DPP10: variants seen among roughly 807,000 people sequenced by gnomAD.
The protein encoded by DPP10 is dipeptidyl peptidase like 10, also known as inactive dipeptidyl peptidase 10.
Under a neutral mutation model 120.9 loss-of-function variants are expected in DPP10, and 33 were observed. The observed-to-expected ratio is 0.27, with a 90% CI of 0.21 to 0.37. DPP10 has a LOEUF of 0.37. Among genes scored for constraint, DPP10 ranks in the 10% least tolerant of loss-of-function variants. The pLI is 1.00. For missense variants in DPP10, 816 were observed against 942.8 expected (o/e 0.87, Z 1.76); for synonymous variants, 337 against 326.1 (o/e 1.03, Z -0.36).
chr2:115,623,466 T>C (rs534838105), intron 5 of DPP10, among the ~76,000 whole-genome samples: 2 of 152,368 alleles, frequency 1.3e-5, no homozygotes, highest in East Asian at 3.9e-4. Context: ...AATTTATTCA[T>C]ATTTATTTAA....
intron 1 of DPP10, among the ~76,000 whole-genome samples, chr2:114,872,218 A>G (rs1376674153): frequency 6.6e-6 from 1 of 152,126 alleles, no homozygotes; most frequent in Non-Finnish European, 1.5e-5. Flanking sequence ...GAAACTTACA[A>G]TCATGGTGGA....
intron 1 of DPP10, among the ~76,000 whole-genome samples, chr2:115,006,004 C>A (rs1266765936): frequency 6.6e-6 from 1 of 152,090 alleles, no homozygotes; most frequent in Non-Finnish European, 1.5e-5. Context: ...GCCCATCAGA[C>A]TAACAGTGGA....
chr2:114,918,456 A>G (rs919477934), intron 1 of DPP10, among the ~76,000 whole-genome samples: 3 of 152,188 alleles, frequency 2.0e-5, no homozygotes, highest in Non-Finnish European at 2.9e-5. Context: ...TACTTACCCA[A>G]AGGAATGTAC....
intron 5 of DPP10, among the ~76,000 whole-genome samples, chr2:115,598,129 CTG>C (rs2083097724): frequency 6.6e-6 from 1 of 151,986 alleles, no homozygotes. Context: ...CTCAATTTCT[CTG>C]TGTCTTTGTA....
rs564773702 is a variant in DPP10 at position 115,819,016 on chromosome 2, G to A, written c.1950+3287G>A. Among the ~76,000 whole-genome samples the A allele has an allele frequency of 2.1e-3, 313 of 152,230 alleles. 1 individual carries two copies. Among genetic ancestry groups the A allele is most frequent in the African/African-American group, 7.1e-3 (296 of 41,544 alleles). On this transcript the variant is annotated intron_variant, in intron 21 of 25. Coordinates refer to ENST00000410059, the MANE Select transcript of DPP10 (RefSeq NM_020868.6). ...AATACACTGTTTATCCTAAGATTCCGTAGACCTTGCGATTCTTTTTTCTTG... is the reference window on the plus strand; with the variant it reads ...AATACACTGTTTATCCTAAGATTCCATAGACCTTGCGATTCTTTTTTCTTG...
At chr2:115,709,067 A>C (rs4849420) in intron 7 of DPP10, among the ~76,000 whole-genome samples, 1 of 152,042 alleles carries the variant, frequency 6.6e-6, no homozygotes, top group African/African-American at 2.4e-5. Flanking sequence ...CCAAGGACTC[A>C]AGCCTGAACA....
At chr2:115,198,123 A>C (rs2055421991) in intron 1 of DPP10, among the ~76,000 whole-genome samples, 1 of 152,170 alleles carries the variant, frequency 6.6e-6, no homozygotes, top group South Asian at 2.1e-4. Context: ...GCTTTCTTGG[A>C]AATGATTCAT....
intron 1 of DPP10, among the ~76,000 whole-genome samples, chr2:114,672,891 A>T (rs1698436156): frequency 6.6e-6 from 1 of 152,110 alleles, no homozygotes; most frequent in Non-Finnish European, 1.5e-5. Context: ...TCTTGATTAC[A>T]TTTAATTCTG....
At chr2:115,291,025 G>A (rs781660138) in intron 1 of DPP10, among the ~76,000 whole-genome samples, 1 of 152,088 alleles carries the variant, frequency 6.6e-6, no homozygotes, top group Non-Finnish European at 1.5e-5. Context: ...TTTTTCTGAG[G>A]CAGGGTCTCG....
At chr2:115,093,353 G>T (rs1709440776) in intron 1 of DPP10, among the ~76,000 whole-genome samples, 1 of 152,000 alleles carries the variant, frequency 6.6e-6, no homozygotes, top group African/African-American at 2.4e-5. Context: ...AATATACTTA[G>T]TGAGACCAAT....
intron 7 of DPP10, among the ~76,000 whole-genome samples, chr2:115,696,891 C>A (rs558714856): frequency 6.6e-6 from 1 of 152,022 alleles, no homozygotes; most frequent in African/African-American, 2.4e-5. Flanking sequence ...TTAGTTAATA[C>A]CTTTGGATGT....
chr2:115,358,032 A>T (rs1467859772), intron 3 of DPP10, among the ~76,000 whole-genome samples: 2 of 152,046 alleles, frequency 1.3e-5, no homozygotes, highest in African/African-American at 4.8e-5. Flanking sequence ...TGTGCCTGCG[A>T]TGGGAGGGGC....
intron 4 of DPP10, among the ~76,000 whole-genome samples, chr2:115,501,263 G>GT (rs1248370482): frequency 6.6e-6 from 1 of 151,782 alleles, no homozygotes; most frequent in South Asian, 2.1e-4. Flanking sequence ...TTATGTTTTG[G>GT]TTTTCCATTA....
At chr2:115,571,717 A>G (rs201986051) in intron 5 of DPP10, among the ~76,000 whole-genome samples, 3 of 150 alleles carry the variant, frequency 0.02, no homozygotes, top group Non-Finnish European at 0.15. Context: ...CTGATTTTAG[A>G]AAAAAATATG....
intron 3 of DPP10, among the ~76,000 whole-genome samples, chr2:115,466,899 C>G (rs768597128): frequency 8.5e-5 from 13 of 152,104 alleles, no homozygotes; most frequent in Non-Finnish European, 1.6e-4. Context: ...TGTAAACCAC[C>G]TGGCACCTGG....
chr2:115,739,522 G>A (rs1676990806), intron 8 of DPP10, among the ~76,000 whole-genome samples: 1 of 152,028 alleles, frequency 6.6e-6, no homozygotes, highest in Admixed American at 6.6e-5. Flanking sequence ...ATGAAATCCT[G>A]ACTTAGGTGC....
In DPP10 at chr2:114,581,173, CTTTTTTTTT is replaced by C. The variant is rs70937291; in HGVS notation, c.60+138354_60+138362del. Among the ~76,000 whole-genome samples the C allele has an allele frequency of 3.9e-3, 302 of 77,918 alleles. 3 individuals are homozygous for C. Among genetic ancestry groups the C allele is most frequent in the African/African-American group, 0.014 (282 of 19,496 alleles). 51.1% of individuals were successfully genotyped at this position (77,918 alleles called of 152,430 possible). On this transcript the variant is annotated intron_variant, in intron 1 of 25. Transcript: ENST00000410059. ...AAACATCATTTTCTTTTTTTCTTCT[CTTTTTTTTT>C]TTTTTTTTTTTTTTTTTTGAGACAG...
intron 1 of DPP10, among the ~76,000 whole-genome samples, chr2:114,466,112 C>T (rs771122820): frequency 6.6e-6 from 1 of 151,966 alleles, no homozygotes; most frequent in Admixed American, 6.6e-5. Context: ...AAATTTATTG[C>T]AATTCTAATT....
intron 1 of DPP10, among the ~76,000 whole-genome samples, chr2:114,583,027 C>T (rs544816752): frequency 6.6e-6 from 1 of 152,142 alleles, no homozygotes; most frequent in African/African-American, 2.4e-5. Flanking sequence ...AACAAGTTCC[C>T]AGGTAACAGG....
Sources: gnomAD v4.1 joint callset for allele counts (sites outside exome capture counted in the v4.1 genomes callset) on GRCh38, gnomAD v4.1.1 for gene constraint, MANE v1.5 for transcripts, NCBI Gene and HGNC (gene_info 2026-07-23, HGNC 2026-07-21) for gene names.